PEG3: variants seen among roughly 807,000 people sequenced by gnomAD.
PEG3 encodes the protein paternally-expressed gene 3 protein.
Under a neutral mutation model 35.5 loss-of-function variants are expected in PEG3, and 23 were observed. The ratio of observed to expected loss-of-function variants is 0.65; its 90% CI spans 0.47 to 0.92. The LOEUF (loss-of-function observed/expected upper bound fraction) is 0.92, where lower values mean the gene tolerates loss of function less well. Among genes scored for constraint, PEG3 ranks in the 40% least tolerant of loss-of-function variants. PEG3 has a pLI of 0.00. For synonymous variants in PEG3, 707 were observed against 697.0 expected (o/e 1.01, Z -0.23); for missense variants, 1,960 against 1,985.3 (o/e 0.99, Z 0.24).
At position 56,813,046 on chromosome 19, in the gene PEG3, C is replaced by G. The variant is rs1781204563; in HGVS notation, c.*629G>C. 1 of 984,678 alleles carries G rather than the reference C, an allele frequency of 1.0e-6. No individual in the cohort carries two copies. Among genetic ancestry groups the G allele is most frequent in the African/African-American group, 1.7e-5 (1 of 57,196 alleles). 61.0% of individuals were successfully genotyped at this position (984,678 alleles called of 1,614,324 possible). A position where few individuals can be genotyped will look rare whatever the true frequency, so the allele number is the denominator to read the frequency against. ...CAGTAAGGAGTAAAAGCCATGTTAT[C>G]TATCATGCCTACAGCTTCACAAGAC... is the stretch of plus-strand genomic sequence containing the variant. On this transcript the variant is annotated 3_prime_UTR_variant, in exon 10 of 10. Coordinates refer to ENST00000326441, the MANE Select transcript of PEG3 (RefSeq NM_006210.3).
chr19:56,820,767 T>A (rs2060409434), intron 7 of PEG3, among the ~76,000 whole-genome samples: 1 of 152,250 alleles, frequency 6.6e-6, no homozygotes, highest in African/African-American at 2.4e-5. Context: ...TCAATACTTA[T>A]TTGTGCAACT....
chr19:56,813,861 A>C lies in PEG3; in HGVS notation c.4581T>G (p.His1527Gln), dbSNP rs1305824221. Residue 1527 changes from histidine (H) to glutamine (Q), a missense_variant, in exon 10 of 10, where the codon CAT (histidine) becomes CAG (glutamine). His to Gln is a conservative substitution (Grantham distance 24). This residue lies in a region of PEG3 where 416 missense variants were observed against 416.7 expected (regional missense o/e 1.00). Coordinates refer to ENST00000326441, the MANE Select transcript of PEG3 (RefSeq NM_006210.3). The stretch of plus-strand genomic sequence containing the variant: ...CAGGCTCAAATATGATCATGCTGGC[A>C]TGAGTTTTCAGGTGTTCACTGAATG... ...STAFSEHLKT[H>Q]ASMIIFEPAN... 1 of 1,614,220 alleles carries C rather than the reference A, an allele frequency of 6.2e-7. No homozygotes were observed. Among genetic ancestry groups the C allele is most frequent in the Admixed American group, 1.7e-5 (1 of 60,032 alleles).
Position 56,815,932 on chromosome 19 carries a change from C to T in PEG3, c.2510G>A (p.Ser837Asn). The change falls in exon 10 of 10, where the codon AGC (serine) becomes AAC (asparagine). Residue 837 changes from serine to asparagine, a missense_variant. By Grantham distance (46) the Ser-to-Asn change is conservative. This residue lies in a region of PEG3 where 798 missense variants were observed against 782.4 expected (regional missense o/e 1.02). Transcript: ENST00000326441. ...GREYSRSVIH[S>N]LVASKPPRSH... ...TCTTGGAGGTTTGGAAGCCACTAAG[C>T]TATGGATAACAGACCTACTGTATTC... 5 of 1,605,566 alleles carry T rather than the reference C, an allele frequency of 3.1e-6. No homozygotes were observed. The highest frequency in any genetic ancestry group is 4.3e-6 in the Non-Finnish European group (5 of 1,175,992).
At position 56,810,480 on chromosome 19, in the gene PEG3, G is replaced by C; in HGVS notation, c.*3195C>G. On this transcript the variant is annotated 3_prime_UTR_variant, in exon 10 of 10. Coordinates refer to ENST00000326441, the MANE Select transcript of PEG3 (RefSeq NM_006210.3). ...CCTAATAATCACAGACTAGTGCACA[G>C]ATCAAGATGTTAACAGTTAATTGTT... 1 of 984,972 alleles carries C rather than the reference G, an allele frequency of 1.0e-6. No homozygotes were observed. The allele number at this position is 984,972 out of a possible 1,614,324, so 61.0% of individuals were successfully genotyped here.
At chr19:56,839,192 A>G (rs2062627900) in intron 1 of PEG3, among the ~76,000 whole-genome samples, 1 of 152,052 alleles carries the variant, frequency 6.6e-6, no homozygotes, top group Admixed American at 6.5e-5. Flanking sequence ...CTGTCACTTC[A>G]GCCTTGCCCC....
Position 56,815,620 on chromosome 19 carries a change from T to A in PEG3, c.2822A>T (p.Tyr941Phe). The A allele has an allele frequency of 6.2e-7, 1 of 1,614,180 alleles. No homozygotes were observed. Among genetic ancestry groups the A allele is most frequent in the Non-Finnish European group, 8.5e-7 (1 of 1,180,026 alleles). ...EYQKARAKKK[Y>F]IEHRSNETSV... ...GGTCTCATTGCTCCTATGCTCAATG[T>A]ATTTCTTTTTAGCACGAGCCTTCTG... Residue 941 changes from tyrosine (Y) to phenylalanine (F), a missense_variant, in exon 10 of 10, where the codon TAC (tyrosine) becomes TTC (phenylalanine). Physicochemically the swap from Tyr to Phe is conservative, Grantham distance 22. Coordinates refer to ENST00000326441, the MANE Select transcript of PEG3 (RefSeq NM_006210.3).
chr19:56,838,792 C>T (rs892272888), intron 1 of PEG3, among the ~76,000 whole-genome samples: 1 of 152,224 alleles, frequency 6.6e-6, no homozygotes, highest in Non-Finnish European at 1.5e-5. Flanking sequence ...CCAAGGAGCG[C>T]GGCACTCCAC....
At chr19:56,840,056 G>T (rs986486124) in intron 1 of PEG3, among the ~76,000 whole-genome samples, 2 of 152,220 alleles carry the variant, frequency 1.3e-5, no homozygotes, top group Non-Finnish European at 2.9e-5. Flanking sequence ...AGCCGGGCAC[G>T]CCGGCGCCGC....
chr19:56,815,187 T>C lies in PEG3; in HGVS notation c.3255A>G (p.Glu1085=). Reference sequence around the variant, plus strand: ...TGTCTGAGCCTTGAATGACAGGGTCTTCAATTGTCTCCTGACCATGGGTCT... The same window carrying C: ...TGTCTGAGCCTTGAATGACAGGGTCCTCAATTGTCTCCTGACCATGGGTCT... ...SEETHGQETI[E]DPVIQGSDME... The change falls in exon 10 of 10, where the codon GAA becomes GAG. Residue 1085 remains glutamate (E), a synonymous_variant. Transcript: ENST00000326441. 2 of 1,614,036 alleles carry C rather than the reference T, an allele frequency of 1.2e-6. No individual in the cohort carries two copies. The highest frequency in any genetic ancestry group is 1.7e-6 in the Non-Finnish European group (2 of 1,179,922).
intron 7 of PEG3, among the ~76,000 whole-genome samples, chr19:56,819,618 G>A (rs2060288620): frequency 1.3e-5 from 2 of 152,166 alleles, no homozygotes; most frequent in Non-Finnish European, 2.9e-5. Flanking sequence ...CACCAATTAT[G>A]AGCTATGCAG....
chr19:56,825,284 T>C (rs1189104326), intron 3 of PEG3, among the ~76,000 whole-genome samples: 3 of 152,204 alleles, frequency 2.0e-5, no homozygotes, highest in Admixed American at 6.5e-5. Flanking sequence ...GGAAGACCAT[T>C]CAAAAATATT....
chr19:56,838,216 C>T (rs927440344), intron 1 of PEG3, among the ~76,000 whole-genome samples: 4 of 152,346 alleles, frequency 2.6e-5, no homozygotes, highest in Middle Eastern at 6.8e-3. Flanking sequence ...ACTGCCCTCA[C>T]GTGCCCCATT....
Position 56,811,717 on chromosome 19 carries a change from T to A in PEG3, c.*1958A>T. 1.0e-6 allele frequency: 1 copy of A among 985,550 alleles called. No homozygotes were observed. Among genetic ancestry groups the A allele is most frequent in the Non-Finnish European group, 1.2e-6 (1 of 830,016 alleles). The allele number at this position is 985,550 out of a possible 1,614,324, so 61.1% of individuals were successfully genotyped here. On this transcript the variant is annotated 3_prime_UTR_variant, in exon 10 of 10. Coordinates refer to ENST00000326441, the MANE Select transcript of PEG3 (RefSeq NM_006210.3). ...AGTAAACCTCACTGCCCCTCAGCTT[T>A]CCCGATGTCCGTTCCAACCTCAGTC...
chr19:56,815,084 T>A lies in PEG3; in HGVS notation c.3358A>T (p.Thr1120Ser). Residue 1120 changes from threonine (T) to serine (S), a missense_variant, in exon 10 of 10, where the codon ACA (threonine) becomes TCA (serine). Coordinates refer to ENST00000326441, the MANE Select transcript of PEG3 (RefSeq NM_006210.3). The stretch of plus-strand genomic sequence containing the variant: ...ACTTTCTGATGGTCTGTGAGGTCTG[T>A]GAGATCCACAAAGCCCAGGCCACAG... ...EDCGLGFVDLTDLTDHQKVHS... is the reference protein window; with the variant it reads ...EDCGLGFVDLSDLTDHQKVHS... 1 of 1,611,962 alleles carries A rather than the reference T, an allele frequency of 6.2e-7. No homozygotes were observed. The highest frequency in any genetic ancestry group is 8.5e-7 in the Non-Finnish European group (1 of 1,178,074).
At chr19:56,835,445 G>C (rs1339547786) in intron 2 of PEG3, among the ~76,000 whole-genome samples, 1 of 152,140 alleles carries the variant, frequency 6.6e-6, no homozygotes, top group Non-Finnish European at 1.5e-5. Flanking sequence ...CCCCTCTGCT[G>C]AGACTACTCT....
intron 1 of PEG3, among the ~76,000 whole-genome samples, chr19:56,839,035 C>A (rs1217217189): frequency 6.6e-6 from 1 of 152,204 alleles, no homozygotes; most frequent in Non-Finnish European, 1.5e-5. Flanking sequence ...ACCTCAGCTG[C>A]CCCCATCAAA....
At position 56,810,187 on chromosome 19, in the gene PEG3, T is replaced by C. The variant is rs2048022874; in HGVS notation, c.*3488A>G. The C allele has an allele frequency of 2.0e-6, 2 of 980,130 alleles. No individual in the cohort carries two copies. The highest frequency in any genetic ancestry group is 2.4e-6 in the Non-Finnish European group (2 of 825,204). 60.7% of individuals were successfully genotyped at this position (980,130 alleles called of 1,614,324 possible). A position where few individuals can be genotyped will look rare whatever the true frequency, so the allele number is the denominator to read the frequency against. On this transcript the variant is annotated 3_prime_UTR_variant, in exon 10 of 10. Coordinates refer to ENST00000326441, the MANE Select transcript of PEG3 (RefSeq NM_006210.3). ...GCACAGAAACAAGATGAAGAAAATA[T>C]ATCAAGATGTTAACCACACTCTTTG...
chr19:56,817,991 C>T (rs1441338706), intron 8 of PEG3, among the ~76,000 whole-genome samples, 156 bp from the exon 9 acceptor site: 1 of 152,202 alleles, frequency 6.6e-6, no homozygotes, highest in African/African-American at 2.4e-5. Context: ...TCTCATTTCC[C>T]TACTATCTAT....
chr19:56,833,377 TG>T (rs2061762962), intron 2 of PEG3: 1 of 352,772 alleles, frequency 2.8e-6, no homozygotes, highest in South Asian at 2.1e-5. Context: ...GCGTGGTGTG[TG>T]GTCTCGTCTC....
Sources: allele counts gnomAD v4.1 joint callset (sites outside exome capture counted in the v4.1 genomes callset), GRCh38; gene constraint gnomAD v4.1.1; regional missense constraint gnomAD v4.1.1; transcripts MANE v1.5; gene names NCBI Gene and HGNC (gene_info 2026-07-23, HGNC 2026-07-21).